Variants in VPREB3 observed in about 807,000 individuals in gnomAD.
VPREB3 encodes the protein V-set pre-B cell surrogate light chain 3.
A neutral mutation model predicts 12.9 loss-of-function variants in VPREB3; 14 were observed. The observed-to-expected ratio is 1.09, with a 90% CI of 0.72 to 1.70. VPREB3 has a LOEUF of 1.70. Among genes scored for constraint, VPREB3 ranks in the 40% most tolerant of loss-of-function variants. VPREB3 has a pLI of 0.00. For synonymous variants in VPREB3, 78 were observed against 70.1 expected, an observed-to-expected ratio of 1.11 and a Z score of -0.56; for missense variants, 165 against 159.6, an observed-to-expected ratio of 1.03 and a Z score of -0.18.
At position 23,752,805 on chromosome 22, in the gene VPREB3, G is replaced by T; in HGVS notation, c.*71C>A. The stretch of plus-strand genomic sequence containing the variant: ...AGAGGGGAAGCAAGGCTCAGAGAAA[G>T]TTTAAAAGGGACCCAAGGTCAGGGG... On this transcript the variant is annotated 3_prime_UTR_variant, in exon 2 of 2. Transcript: ENST00000248948. 1 of 1,479,972 alleles carries T rather than the reference G, an allele frequency of 6.8e-7. No individual in the cohort carries two copies. Among genetic ancestry groups the T allele is most frequent in the Non-Finnish European group, 9.2e-7 (1 of 1,081,982 alleles). The allele number at this position is 1,479,972 out of a possible 1,614,324, so 91.7% of individuals were successfully genotyped here. A position where few individuals can be genotyped will look rare whatever the true frequency, so the allele number is the denominator to read the frequency against.
At chr22:23,754,010 C>G (rs1435507824) in intron 1 of VPREB3, among the ~76,000 whole-genome samples, 3 of 152,052 alleles carry the variant, frequency 2.0e-5, no homozygotes, top group African/African-American at 4.8e-5. Flanking sequence ...ATGAAGAAAC[C>G]TTGTCTCTAC....
Position 23,754,383 on chromosome 22 carries a change from G to A in VPREB3, c.-20C>T. The A allele has an allele frequency of 5.6e-6, 9 of 1,604,068 alleles. No homozygotes were observed. Among genetic ancestry groups the A allele is most frequent in the Non-Finnish European group, 7.7e-6 (9 of 1,175,492 alleles). ...GGCCATGGCCAGAGGCAGGGAGGCA[G>A]GCAAGTAGAAGTTCTGCAAGGCTAT... On this transcript the variant is annotated 5_prime_UTR_variant, in exon 1 of 2. Coordinates refer to ENST00000248948, the MANE Select transcript of VPREB3 (RefSeq NM_013378.3).
At chr22:23,753,253 T>C in intron 1 of VPREB3, 55 bp from the exon 2 acceptor site, 1 of 1,499,190 alleles carries the variant, frequency 6.7e-7, no homozygotes, top group East Asian at 2.5e-5. Context: ...CCCTGCCCTG[T>C]GAAGGCTTGG....
At chr22:23,753,713 T>C (rs1925430794) in intron 1 of VPREB3, among the ~76,000 whole-genome samples, 1 of 152,016 alleles carries the variant, frequency 6.6e-6, no homozygotes, top group South Asian at 2.1e-4. Flanking sequence ...CCCTGTGGGG[T>C]AGGGACCAAC....
chr22:23,754,281 A>G (rs1157137681), intron 1 of VPREB3, 34 bp downstream of exon 1: 3 of 1,578,932 alleles, frequency 1.9e-6, no homozygotes, highest in African/African-American at 2.7e-5. Context: ...TCCCCACCCC[A>G]CACCCAGGTG....
At position 23,754,364 on chromosome 22, in the gene VPREB3, G is replaced by A. The variant is rs552974777; in HGVS notation, c.-1C>T. On this transcript the variant is annotated 5_prime_UTR_variant, in exon 1 of 2. Transcript: ENST00000248948. ...GGAAGCTGAGGCACCGGCAGGCCAT[G>A]GCCAGAGGCAGGGAGGCAGGCAAGT... is the stretch of plus-strand genomic sequence containing the variant. 2 of 1,609,402 alleles carry A rather than the reference G, an allele frequency of 1.2e-6. No homozygotes were observed. Among genetic ancestry groups the A allele is most frequent in the Non-Finnish European group, 1.7e-6 (2 of 1,178,046 alleles).
At chr22:23,753,564 C>T (rs932347999) in intron 1 of VPREB3, among the ~76,000 whole-genome samples, 2 of 152,166 alleles carry the variant, frequency 1.3e-5, no homozygotes, top group African/African-American at 4.8e-5. Context: ...CCCACTTCCC[C>T]GCCCACTTCA....
At position 23,753,109 on chromosome 22, in the gene VPREB3, C is replaced by T. The variant is rs146725149; in HGVS notation, c.139G>A (p.Val47Ile). 1,098 of 1,614,026 alleles carry T rather than the reference C, an allele frequency of 6.8e-4. 10 individuals are homozygous for T. The African/African-American group carries it at 0.012, about 18-fold the overall frequency. The change falls in exon 2 of 2, where the codon GTC (valine) becomes ATC (isoleucine). Residue 47 changes from valine (V) to isoleucine (I), a missense_variant. By Grantham distance (29) the Val-to-Ile change is conservative (BLOSUM62 3). Transcript: ENST00000248948. ...QLSCTLSPQH[V>I]TIRDYGVSWY... ...GACACACCGTAGTCCCTGATGGTGA[C>T]GTGCTGGGGGCTGAGCGTGCAGGAG...
In VPREB3 at chr22:23,752,916, G is replaced by A. The variant is rs149804832; in HGVS notation, c.332C>T (p.Ala111Val). 2.5e-5 allele frequency: 40 copies of A among 1,614,116 alleles called. No individual in the cohort carries two copies. The highest frequency in any genetic ancestry group is 1.8e-4 in the East Asian group (8 of 44,868). The change falls in exon 2 of 2, where the codon GCG becomes GTG. Residue 111 changes from alanine (A) to valine (V), a missense_variant. Coordinates refer to ENST00000248948, the MANE Select transcript of VPREB3 (RefSeq NM_013378.3). ...TISPVQPEDDADYYCSVGYGF... is the reference protein window; with the variant it reads ...TISPVQPEDDVDYYCSVGYGF... ...GTAGCCAACAGAGCAGTAGTAATCC[G>A]CGTCGTCTTCAGGCTGCACGGGACT...
At chr22:23,753,513 G>A (rs1262032838) in intron 1 of VPREB3, among the ~76,000 whole-genome samples, 2 of 152,116 alleles carry the variant, frequency 1.3e-5, no homozygotes, top group Non-Finnish European at 2.9e-5. Context: ...AGGTCCCTCT[G>A]CTACCCACCC....
At position 23,753,100 on chromosome 22, in the gene VPREB3, T is replaced by C. The variant is rs1257127481; in HGVS notation, c.148A>G (p.Arg50Gly). 1.2e-6 allele frequency: 2 copies of C among 1,613,940 alleles called. No homozygotes were observed. The highest frequency in any genetic ancestry group is 1.7e-6 in the Non-Finnish European group (2 of 1,179,988). ...TGGTACCAGGACACACCGTAGTCCC[T>C]GATGGTGACGTGCTGGGGGCTGAGC... ...CTLSPQHVTI[R>G]DYGVSWYQQR... The change falls in exon 2 of 2, where the codon AGG (arginine) becomes GGG (glycine). Residue 50 changes from arginine to glycine, a missense_variant. Transcript: ENST00000248948.
rs776436859 is a variant in VPREB3 at position 23,754,352 on chromosome 22, C to A, written c.12G>T (p.Arg4=). Residue 4 remains arginine (R), a synonymous_variant, in exon 1 of 2, where the codon CGG becomes CGT. Transcript: ENST00000248948. The part of the protein sequence containing the change: MAC[R]CLSFLLMGTF... ...TCCCCATCAGAAGGAAGCTGAGGCA[C>A]CGGCAGGCCATGGCCAGAGGCAGGG... 9.3e-6 allele frequency: 15 copies of A among 1,609,926 alleles called. No individual in the cohort carries two copies. In the African/African-American group the frequency reaches 1.6e-4, roughly 17 times the overall value.
Position 23,753,138 on chromosome 22 carries a change from T to G in VPREB3, c.110A>C (p.Gln37Pro). 6.2e-7 allele frequency: 1 copy of G among 1,612,710 alleles called. No homozygotes were observed. The highest frequency in any genetic ancestry group is 8.5e-7 in the Non-Finnish European group (1 of 1,179,414). ...ALLVFPGQVA[Q>P]LSCTLSPQHV... is the part of the protein sequence containing the mutation. ...CTGGGGGCTGAGCGTGCAGGAGAGT[T>G]GAGCCACTTGGCCTGGGAAGACCAG... Residue 37 changes from glutamine (Q) to proline (P), a missense_variant, in exon 2 of 2, where the codon CAA becomes CCA. Physicochemically the swap from Gln to Pro is moderately conservative, Grantham distance 76. Coordinates refer to ENST00000248948, the MANE Select transcript of VPREB3 (RefSeq NM_013378.3).
At chr22:23,754,291 G>T in intron 1 of VPREB3, 24 bp downstream of exon 1, 1 of 1,586,842 alleles carries the variant, frequency 6.3e-7, no homozygotes, top group South Asian at 1.2e-5. Flanking sequence ...ACACCCAGGT[G>T]ACTGAGGCCC....
In VPREB3 at chr22:23,752,762, A is replaced by G. The variant is rs906309843; in HGVS notation, c.*114T>C. 6.0e-6 allele frequency: 6 copies of G among 998,836 alleles called. No individual in the cohort carries two copies. The highest frequency in any genetic ancestry group is 8.9e-6 in the Non-Finnish European group (6 of 677,604). The allele number at this position is 998,836 out of a possible 1,614,324, so 61.9% of individuals were successfully genotyped here. On this transcript the variant is annotated 3_prime_UTR_variant, in exon 2 of 2. Transcript: ENST00000248948. ...AATAGCTGTTGTTGACATGTTGAATATTATTAACCCATTTTACAGAGGGGA... is the reference window on the plus strand; with the variant it reads ...AATAGCTGTTGTTGACATGTTGAATGTTATTAACCCATTTTACAGAGGGGA...
At chr22:23,753,878 C>T (rs1925434513) in intron 1 of VPREB3, among the ~76,000 whole-genome samples, 1 of 152,292 alleles carries the variant, frequency 6.6e-6, no homozygotes. Context: ...AGCCAGGTCA[C>T]CCCTCTACCT....
Sources: allele counts gnomAD v4.1 joint callset (sites outside exome capture counted in the v4.1 genomes callset), GRCh38; gene constraint gnomAD v4.1.1; transcripts MANE v1.5; gene names NCBI Gene and HGNC (gene_info 2026-07-23, HGNC 2026-07-21).